Variants in IGSF11 observed in about 807,000 individuals in gnomAD.
IGSF11 encodes the protein immunoglobulin superfamily member 11.
IGSF11 carries 22 observed loss-of-function variants against 41.0 expected under a neutral mutation model. The ratio of observed to expected loss-of-function variants is 0.54; its 90% CI spans 0.38 to 0.77. The LOEUF (loss-of-function observed/expected upper bound fraction) is 0.77. Among genes scored for constraint, IGSF11 ranks in the 30% least tolerant of loss-of-function variants. The probability of loss-of-function intolerance (pLI) is 0.00; values close to 1 mark genes in which losing one functional copy is unlikely to be tolerated. For missense variants in IGSF11, 444 were observed against 530.8 expected, an observed-to-expected ratio of 0.84 and a Z score of 1.61; for synonymous variants, 219 against 201.3, an observed-to-expected ratio of 1.09 and a Z score of -0.74.
upstream of IGSF11, among the ~76,000 whole-genome samples, chr3:119,038,459 AG>A: frequency 6.6e-6 from 1 of 152,306 alleles, no homozygotes; most frequent in South Asian, 2.1e-4. Flanking sequence ...ATATTGTCAA[AG>A]TTTCCCATCT....
At chr3:119,013,939 A>G (rs1258220920) in intron 1 of IGSF11, among the ~76,000 whole-genome samples, 1 of 152,220 alleles carries the variant, frequency 6.6e-6, no homozygotes, top group East Asian at 1.9e-4. Flanking sequence ...GTTTAAAACA[A>G]TATTAATCTA....
chr3:119,094,251 A>AAAAAAAAAAAAAAAAC (rs2076812553), intron 1 of IGSF11, among the ~76,000 whole-genome samples: 1 of 125,966 alleles, frequency 7.9e-6, no homozygotes, highest in Non-Finnish European at 1.7e-5. Context: ...AAAAAAAAAA[A>AAAAAAAAAAAAAAAAC]GTTGTTGTTC....
intron 1 of IGSF11, among the ~76,000 whole-genome samples, chr3:119,129,677 C>A (rs2077451046): frequency 1.3e-5 from 2 of 152,088 alleles, no homozygotes; most frequent in African/African-American, 2.4e-5. Context: ...AAAAAACATA[C>A]AATGGATACA....
chr3:118,979,345 T>C (rs1056820216), intron 1 of IGSF11, among the ~76,000 whole-genome samples: 2 of 151,998 alleles, frequency 1.3e-5, no homozygotes, highest in Admixed American at 1.3e-4. Context: ...TTTAATAAAA[T>C]AACAGATGAA....
intron 1 of IGSF11, among the ~76,000 whole-genome samples, chr3:119,066,345 G>A (rs1332352244): frequency 2.6e-5 from 4 of 152,178 alleles, no homozygotes; most frequent in South Asian, 2.1e-4. Context: ...ATATGCCTAC[G>A]TATAGTCTTT....
rs1374953031 is a variant in IGSF11 at position 118,902,226 on chromosome 3, A to T, written c.*294T>A. 3 of 285,112 alleles carry T rather than the reference A, an allele frequency of 1.1e-5. No homozygotes were observed. Among genetic ancestry groups the T allele is most frequent in the Non-Finnish European group, 2.0e-5 (3 of 152,410 alleles). The allele number at this position is 285,112 out of a possible 1,614,324, so 17.7% of individuals were successfully genotyped here. A position where few individuals can be genotyped will look rare whatever the true frequency, so the allele number is the denominator to read the frequency against. ...TGAAGAACAAGCCCATCTGGGCGGC[A>T]GTTTGGATTTTAAGTACTATTCTGC... On this transcript the variant is annotated 3_prime_UTR_variant, in exon 7 of 7. Transcript: ENST00000393775.
chr3:118,962,917 G>A (rs189235033), intron 1 of IGSF11, among the ~76,000 whole-genome samples: 1 of 152,284 alleles, frequency 6.6e-6, no homozygotes, highest in African/African-American at 2.4e-5. Flanking sequence ...GTGTAAGTCA[G>A]TTTATCATGA....
chr3:118,976,733 T>C (rs1934152144), intron 1 of IGSF11, among the ~76,000 whole-genome samples: 1 of 152,224 alleles, frequency 6.6e-6, no homozygotes, highest in Admixed American at 6.5e-5. Flanking sequence ...ATGTGGACCA[T>C]ATTAATGTAT....
At chr3:118,908,246 G>A (rs1939852713) in intron 4 of IGSF11, among the ~76,000 whole-genome samples, 1 of 152,212 alleles carries the variant, frequency 6.6e-6, no homozygotes, top group Non-Finnish European at 1.5e-5. Flanking sequence ...TTTAAAAGGT[G>A]AAGTCAATGT....
At chr3:119,141,555 A>G (rs1033325290) in intron 1 of IGSF11, among the ~76,000 whole-genome samples, 2 of 150,580 alleles carry the variant, frequency 1.3e-5, no homozygotes, top group Admixed American at 1.3e-4. Flanking sequence ...AAAAGACTCA[A>G]ATAACTAAAA....
chr3:118,927,964 C>T (rs1267900852), intron 3 of IGSF11, among the ~76,000 whole-genome samples: 2 of 151,984 alleles, frequency 1.3e-5, no homozygotes, highest in African/African-American at 2.4e-5. Context: ...GAAAAAAAAC[C>T]TAAATCTATT....
At chr3:119,085,113 G>A (rs1002844983) in intron 1 of IGSF11, among the ~76,000 whole-genome samples, 2 of 152,140 alleles carry the variant, frequency 1.3e-5, no homozygotes, top group African/African-American at 2.4e-5. Context: ...ATGATGGGAG[G>A]TGGCTCCCCC....
At chr3:118,974,728 A>C (rs1248210861) in intron 1 of IGSF11, among the ~76,000 whole-genome samples, 1 of 152,146 alleles carries the variant, frequency 6.6e-6, no homozygotes, top group African/African-American at 2.4e-5. Context: ...CTTAGCGTTG[A>C]AAATCTGGTG....
chr3:119,000,721 AG>A, intron 1 of IGSF11, among the ~76,000 whole-genome samples: 1 of 152,292 alleles, frequency 6.6e-6, no homozygotes, highest in African/African-American at 2.4e-5. Flanking sequence ...ACTCAAAGGG[AG>A]AAGGGCATTA....
intron 1 of IGSF11, among the ~76,000 whole-genome samples, chr3:119,113,626 G>A (rs993754510): frequency 1.3e-5 from 2 of 152,180 alleles, no homozygotes; most frequent in African/African-American, 2.4e-5. Flanking sequence ...CAGAGGCTAG[G>A]GTGGAGTGCC....
chr3:119,108,388 T>G (rs1041028364), upstream of IGSF11, among the ~76,000 whole-genome samples: 1 of 145,494 alleles, frequency 6.9e-6, no homozygotes, highest in African/African-American at 2.5e-5. Context: ...GGCTCTCTGT[T>G]TGTCTGTTAT....
intron 1 of IGSF11, among the ~76,000 whole-genome samples, chr3:118,998,968 A>G (rs566754432): frequency 3.3e-5 from 5 of 152,116 alleles, no homozygotes; most frequent in Non-Finnish European, 7.4e-5. Context: ...CATCCATACA[A>G]TGAAATGTTA....
chr3:119,122,445 C>T (rs949862263), intron 1 of IGSF11, among the ~76,000 whole-genome samples: 4 of 152,116 alleles, frequency 2.6e-5, no homozygotes, highest in African/African-American at 9.7e-5. Context: ...TGCACTGGGG[C>T]CCTAAATAAA....
chr3:119,096,986 A>G (rs548371140), intron 1 of IGSF11, among the ~76,000 whole-genome samples: 2 of 152,210 alleles, frequency 1.3e-5, no homozygotes, highest in East Asian at 3.9e-4. Flanking sequence ...AGTTTTTCTC[A>G]TGCTGCCATC....
Sources: gnomAD v4.1 joint callset for allele counts (sites outside exome capture counted in the v4.1 genomes callset) on GRCh38, gnomAD v4.1.1 for gene constraint, MANE v1.5 for transcripts, NCBI Gene and HGNC (gene_info 2026-07-23, HGNC 2026-07-21) for gene names.